The following ROBO1 variants were observed in gnomAD, a reference collection of about 807,000 sequenced individuals.
The protein encoded by ROBO1 is roundabout homolog 1.
ROBO1 carries 149 observed loss-of-function variants against 195.9 expected under a neutral mutation model. The observed-to-expected ratio is 0.76, with a 90% confidence interval of 0.67 to 0.87. The LOEUF is 0.87. ROBO1 is among the 40% of genes least tolerant of loss of function. The probability of loss-of-function intolerance (pLI) is 0.00; values close to 1 mark genes in which losing one functional copy is unlikely to be tolerated. For synonymous variants in ROBO1, 816 were observed against 733.2 expected (o/e 1.11, Z -1.82); for missense variants, 1,933 against 2,068.3 (o/e 0.93, Z 1.27).
chr3:78,764,708 C>T (rs2083185772), intron 4 of ROBO1, among the ~76,000 whole-genome samples: 1 of 152,064 alleles, frequency 6.6e-6, no homozygotes, highest in Admixed American at 6.6e-5. Flanking sequence ...AAATTTGATA[C>T]TATATCTGTT....
At chr3:79,675,145 C>A (rs182025002) in intron 1 of ROBO1, among the ~76,000 whole-genome samples, 1 of 151,842 alleles carries the variant, frequency 6.6e-6, no homozygotes, top group Non-Finnish European at 1.5e-5. Context: ...CAACATTAAA[C>A]GTGCATTTGG....
At chr3:78,690,795 C>A (rs2081155845) in intron 8 of ROBO1, among the ~76,000 whole-genome samples, 1 of 152,062 alleles carries the variant, frequency 6.6e-6, no homozygotes, top group Admixed American at 6.5e-5. Flanking sequence ...ATGTTCAAAC[C>A]ACTTACTTAA....
intron 5 of ROBO1, 146 bp downstream of exon 5, chr3:78,746,597 A>G (rs558557922): frequency 1.5e-5 from 8 of 550,236 alleles, no homozygotes; most frequent in Non-Finnish European, 2.0e-5. Context: ...GAATTGAAAT[A>G]TATATTTTTT....
At chr3:78,874,861 C>T (rs1173256981) in intron 4 of ROBO1, among the ~76,000 whole-genome samples, 1 of 151,704 alleles carries the variant, frequency 6.6e-6, no homozygotes, top group Non-Finnish European at 1.5e-5. Context: ...TAATAGTTAC[C>T]TCAAAACAAA....
rs139791527 is a variant in ROBO1, at chr3:79,269,543, T to C, written c.89-144004A>G. ...AGGATTTATGAGAAATTATAGTCAA[T>C]AATGTAATGATACTGTGAATATTGG... On this transcript the variant is annotated intron_variant, in intron 2 of 30. Coordinates refer to ENST00000464233, the MANE Select transcript of ROBO1 (RefSeq NM_002941.4). Among the ~76,000 whole-genome samples, 126 of 151,832 alleles carry C rather than the reference T, an allele frequency of 8.3e-4. 1 individual carries two copies. The highest frequency in any genetic ancestry group is 2.4e-3 in the Admixed American group (37 of 15,196).
chr3:78,730,459 A>C (rs1434626774), intron 5 of ROBO1, among the ~76,000 whole-genome samples: 1 of 93,156 alleles, frequency 1.1e-5, no homozygotes, highest in Non-Finnish European at 2.9e-5. Context: ...TTATTCAAAA[A>C]TATAAACAGC....
At chr3:79,493,807 G>A (rs1939592399) in intron 2 of ROBO1, among the ~76,000 whole-genome samples, 1 of 151,950 alleles carries the variant, frequency 6.6e-6, no homozygotes, top group African/African-American at 2.4e-5. Context: ...GTAAATAGGG[G>A]TATCCACCAC....
intron 4 of ROBO1, among the ~76,000 whole-genome samples, chr3:78,783,475 C>T (rs1158285212): frequency 6.6e-6 from 1 of 152,134 alleles, no homozygotes; most frequent in African/African-American, 2.4e-5. Context: ...AGCAAGTATA[C>T]ATATCTACTA....
chr3:78,626,871 T>G (rs1433725109), intron 26 of ROBO1, among the ~76,000 whole-genome samples: 2 of 152,132 alleles, frequency 1.3e-5, no homozygotes, highest in African/African-American at 4.8e-5. Flanking sequence ...GAGAAACTCA[T>G]TCTTCTGTGA....
chr3:79,760,968 C>T (rs1003104703), intron 1 of ROBO1, among the ~76,000 whole-genome samples: 23 of 150,686 alleles, frequency 1.5e-4, no homozygotes, highest in Admixed American at 7.3e-4. Context: ...AAAATTGCTA[C>T]AGTCTGTTAT....
intron 4 of ROBO1, among the ~76,000 whole-genome samples, chr3:78,806,090 G>A (rs1559875186): frequency 1.3e-5 from 2 of 152,026 alleles, no homozygotes; most frequent in African/African-American, 4.8e-5. Flanking sequence ...CTCCGAAGTA[G>A]CTAGGACTGC....
At chr3:79,753,350 A>G (rs1462798077) in intron 1 of ROBO1, among the ~76,000 whole-genome samples, 1 of 152,080 alleles carries the variant, frequency 6.6e-6, no homozygotes. Context: ...AGCCTCTGTC[A>G]GGGTGATCTA....
chr3:78,866,299 A>T (rs2035174474), intron 4 of ROBO1, among the ~76,000 whole-genome samples: 2 of 152,220 alleles, frequency 1.3e-5, no homozygotes, highest in Non-Finnish European at 2.9e-5. Flanking sequence ...GTTTATAAAT[A>T]CTAATATTTG....
At chr3:78,850,064 G>T (rs951870693) in intron 4 of ROBO1, among the ~76,000 whole-genome samples, 5 of 152,068 alleles carry the variant, frequency 3.3e-5, no homozygotes, top group African/African-American at 1.2e-4. Flanking sequence ...CAGGTCTGTG[G>T]CCTAGAGCAA....
chr3:79,279,231 A>G (rs1278774337), intron 2 of ROBO1, among the ~76,000 whole-genome samples: 1 of 152,132 alleles, frequency 6.6e-6, no homozygotes, highest in Non-Finnish European at 1.5e-5. Context: ...ACACCACTGC[A>G]TTCCAGCCTG....
chr3:79,398,351 CT>C (rs1221441016), intron 2 of ROBO1, among the ~76,000 whole-genome samples: 1 of 151,964 alleles, frequency 6.6e-6, no homozygotes, highest in African/African-American at 2.4e-5. Context: ...AATTCTTAGA[CT>C]TTTATATATT....
At chr3:78,816,791 A>G (rs1576223748) in intron 4 of ROBO1, among the ~76,000 whole-genome samples, 1 of 152,284 alleles carries the variant, frequency 6.6e-6, no homozygotes, top group South Asian at 2.1e-4. Flanking sequence ...CTGCACTCTC[A>G]TGAGAAAACT....
chr3:79,435,307 C>T (rs377280661), intron 2 of ROBO1, among the ~76,000 whole-genome samples: 1 of 152,012 alleles, frequency 6.6e-6, no homozygotes, highest in Non-Finnish European at 1.5e-5. Context: ...GCTGGTCTTG[C>T]GCTACTGGCT....
chr3:79,202,621 A>AG (rs942937620), intron 2 of ROBO1, among the ~76,000 whole-genome samples: 7 of 151,848 alleles, frequency 4.6e-5, no homozygotes, highest in African/African-American at 1.7e-4. Context: ...AAAAAAAAAA[A>AG]AGAGAAATAC....
Sources: allele counts gnomAD v4.1 joint callset (sites outside exome capture counted in the v4.1 genomes callset), GRCh38; gene constraint gnomAD v4.1.1; transcripts MANE v1.5; gene names NCBI Gene and HGNC (gene_info 2026-07-23, HGNC 2026-07-21).